Variants in LSAMP observed in about 807,000 individuals in gnomAD.
LSAMP encodes limbic system-associated membrane protein.
Under a neutral mutation model 38.6 loss-of-function variants are expected in LSAMP, and 7 were observed. The ratio of observed to expected loss-of-function variants is 0.18; its 90% CI spans 0.10 to 0.34. LSAMP has a LOEUF of 0.34. Among genes scored for constraint, LSAMP ranks in the 10% least tolerant of loss-of-function variants. LSAMP has a pLI of 1.00. For synonymous variants in LSAMP, 154 were observed against 166.8 expected (o/e 0.92, Z 0.59); for missense variants, 313 against 420.0 (o/e 0.75, Z 2.23).
At position 116,044,876 on chromosome 3, in the gene LSAMP, A is replaced by G. The variant is rs1381407100; in HGVS notation, c.389-25236T>C. On this transcript the variant is annotated intron_variant, in intron 2 of 6. Coordinates refer to ENST00000490035, the MANE Select transcript of LSAMP (RefSeq NM_002338.5). The stretch of plus-strand genomic sequence containing the variant: ...TTCTTTCTGTGTCTCCACTTCCTCC[A>G]GCAGTGGAAGATGCCCTGAAAAGAC... 2.6e-5 allele frequency among the ~76,000 whole-genome samples: 4 copies of G among 152,314 alleles called. No individual in the cohort carries two copies. In the South Asian group the frequency reaches 6.2e-4, roughly 24 times the overall value.
chr3:116,345,512 G>A (rs528785887), intron 1 of LSAMP, among the ~76,000 whole-genome samples: 1 of 152,184 alleles, frequency 6.6e-6, no homozygotes, highest in African/African-American at 2.4e-5. Flanking sequence ...GCAATCATTG[G>A]AATGGTATTT....
In LSAMP at chr3:116,439,514, A is replaced by C. The variant is rs2049402568; in HGVS notation, c.155+5363T>G. Among the ~76,000 whole-genome samples, 7 of 144,126 alleles carry C rather than the reference A, an allele frequency of 4.9e-5. No individual in the cohort carries two copies. The South Asian group carries it at 1.6e-3, about 34-fold the overall frequency. 94.6% of individuals were successfully genotyped at this position (144,126 alleles called of 152,430 possible). A position where few individuals can be genotyped will look rare whatever the true frequency, so the allele number is the denominator to read the frequency against. On this transcript the variant is annotated intron_variant, in intron 1 of 6. Coordinates refer to ENST00000490035, the MANE Select transcript of LSAMP (RefSeq NM_002338.5). Reference sequence around the variant, plus strand: ...GCTATAGCAAGCCCTCCACATACACACTGAAATTTGAGACACACTGGCCTA... The same window carrying C: ...GCTATAGCAAGCCCTCCACATACACCCTGAAATTTGAGACACACTGGCCTA...
chr3:116,058,070 T>C (rs1941524452), intron 2 of LSAMP, among the ~76,000 whole-genome samples: 1 of 152,064 alleles, frequency 6.6e-6, no homozygotes, highest in South Asian at 2.1e-4. Context: ...ATGCCATACA[T>C]TTAATGTGGT....
At chr3:115,959,338 T>G (rs999478353) in intron 3 of LSAMP, among the ~76,000 whole-genome samples, 5 of 152,108 alleles carry the variant, frequency 3.3e-5, no homozygotes, top group Admixed American at 6.5e-5. Flanking sequence ...GGGTGGTGGT[T>G]TTCAAATTGG....
At chr3:116,404,186 G>T (rs1373781546) in intron 1 of LSAMP, among the ~76,000 whole-genome samples, 1 of 151,996 alleles carries the variant, frequency 6.6e-6, no homozygotes, top group Non-Finnish European at 1.5e-5. Context: ...CCAAAAATGG[G>T]TACAAATAGT....
intron 3 of LSAMP, among the ~76,000 whole-genome samples, chr3:115,932,553 C>G (rs966778133): frequency 6.6e-6 from 1 of 152,170 alleles, no homozygotes; most frequent in Non-Finnish European, 1.5e-5. Context: ...AGAAGAGAAA[C>G]AGTCCATTGC....
intron 1 of LSAMP, among the ~76,000 whole-genome samples, chr3:116,335,263 A>G (rs2047903585): frequency 6.6e-6 from 1 of 152,072 alleles, no homozygotes; most frequent in African/African-American, 2.4e-5. Context: ...TGAAAGATTT[A>G]ATATCGTTAA....
chr3:116,199,706 G>T (rs2045963459), intron 1 of LSAMP, among the ~76,000 whole-genome samples: 1 of 152,158 alleles, frequency 6.6e-6, no homozygotes. Flanking sequence ...GTCAAGTAGA[G>T]TGAGATTAGA....
intron 1 of LSAMP, among the ~76,000 whole-genome samples, chr3:116,380,899 A>G (rs151206809): frequency 1.3e-5 from 2 of 152,138 alleles, no homozygotes; most frequent in African/African-American, 4.8e-5. Context: ...GAACTTATAT[A>G]CTTATGACTG....
intron 1 of LSAMP, among the ~76,000 whole-genome samples, chr3:116,341,532 A>T (rs1227094369): frequency 6.6e-6 from 1 of 152,036 alleles, no homozygotes; most frequent in African/African-American, 2.4e-5. Context: ...TCACAAAATG[A>T]GATTCAGCCT....
At chr3:116,209,854 C>T (rs1019076631) in intron 1 of LSAMP, among the ~76,000 whole-genome samples, 2 of 152,116 alleles carry the variant, frequency 1.3e-5, no homozygotes, top group Non-Finnish European at 2.9e-5. Flanking sequence ...CGGGTTGACG[C>T]CGTTCTCCTG....
chr3:116,099,943 C>T (rs146807609), intron 1 of LSAMP, among the ~76,000 whole-genome samples: 1 of 151,880 alleles, frequency 6.6e-6, no homozygotes, highest in African/African-American at 2.4e-5. Context: ...TTTGAGGGTA[C>T]CTCAAATTCA....
At chr3:116,285,756 A>AAAAT (rs1450355374) in intron 1 of LSAMP, among the ~76,000 whole-genome samples, 4 of 152,176 alleles carry the variant, frequency 2.6e-5, no homozygotes, top group African/African-American at 9.6e-5. Flanking sequence ...ATGTCAATGG[A>AAAAT]AAATAAAAAG....
At chr3:116,276,179 G>C (rs958994762) in intron 1 of LSAMP, among the ~76,000 whole-genome samples, 17 of 152,072 alleles carry the variant, frequency 1.1e-4, no homozygotes, top group African/African-American at 4.1e-4. Flanking sequence ...GGTGCAAAGA[G>C]AGAATGACCT....
chr3:116,187,864 G>T (rs1710658642), intron 1 of LSAMP, among the ~76,000 whole-genome samples: 2 of 151,976 alleles, frequency 1.3e-5, no homozygotes, highest in Non-Finnish European at 2.9e-5. Flanking sequence ...TGTCATGGGG[G>T]TTTGTTGTAC....
chr3:116,185,434 G>C (rs939361777), intron 1 of LSAMP, among the ~76,000 whole-genome samples: 2 of 152,046 alleles, frequency 1.3e-5, no homozygotes, highest in African/African-American at 4.8e-5. Flanking sequence ...AGACAGGTTA[G>C]AGTGTATCCC....
rs545121886 is a variant in LSAMP at position 116,143,264 on chromosome 3, A to AT, written c.156-56709dup. ...CATTTCATCATGTATCAGTTTTGCC[A>AT]TTTTTTTCTAAAAATATCCATTTTA... On this transcript the variant is annotated intron_variant, in intron 1 of 6. Coordinates refer to ENST00000490035, the MANE Select transcript of LSAMP (RefSeq NM_002338.5). 7.9e-5 allele frequency among the ~76,000 whole-genome samples: 12 copies of AT among 151,800 alleles called. No individual in the cohort carries two copies. The South Asian group carries it at 1.7e-3, about 21-fold the overall frequency.
At chr3:115,982,931 C>CA (rs1553755797) in intron 3 of LSAMP, among the ~76,000 whole-genome samples, 28 of 136,278 alleles carry the variant, frequency 2.1e-4, no homozygotes, top group Non-Finnish European at 3.9e-4. Flanking sequence ...CCTATGGAGA[C>CA]TTTTTTTTTT....
intron 1 of LSAMP, among the ~76,000 whole-genome samples, chr3:116,346,405 T>A (rs986171512): frequency 2.6e-5 from 4 of 151,770 alleles, no homozygotes; most frequent in Admixed American, 2.0e-4. Flanking sequence ...CTCAGTTCAC[T>A]GCAACCTCTG....
Sources: gnomAD v4.1 joint callset for allele counts (sites outside exome capture counted in the v4.1 genomes callset) on GRCh38, gnomAD v4.1.1 for gene constraint, MANE v1.5 for transcripts, NCBI Gene and HGNC (gene_info 2026-07-23, HGNC 2026-07-21) for gene names.